FGF23: variants seen among roughly 807,000 people sequenced by gnomAD.
FGF23 encodes the protein phosphatonin.
FGF23 carries 8 observed loss-of-function variants against 9.0 expected under a neutral mutation model. The observed-to-expected ratio is 0.89, with a 90% CI of 0.52 to 1.60. The LOEUF (loss-of-function observed/expected upper bound fraction) is 1.60. Among genes scored for constraint, FGF23 ranks in the 40% most tolerant of loss-of-function variants. FGF23 has a pLI of 0.00. For synonymous variants in FGF23, 118 were observed against 146.2 expected, an observed-to-expected ratio of 0.81 and a Z score of 1.39; for missense variants, 311 against 344.3, an observed-to-expected ratio of 0.90 and a Z score of 0.77.
chr12:4,372,682 C>A lies in FGF23; in HGVS notation c.227G>T (p.Arg76Ile). ...CACCACAAAGCCAGCATCCTCTGAT[C>A]TGATCATCAGGGCACCTATGGAGAA... Reference protein sequence around the residue: ...HQTIYSALMIRSEDAGFVVIT... With the variant: ...HQTIYSALMIISEDAGFVVIT... The change falls in exon 2 of 3, where the codon AGA (arginine) becomes ATA (isoleucine). Residue 76 changes from arginine (R) to isoleucine (I), a missense_variant. Arg to Ile is a moderately conservative substitution (Grantham distance 97, BLOSUM62 -3). Around this residue, in one of 3 missense-constraint regions of FGF23, gnomAD observed 102 missense variants for 108.2 expected, o/e 0.94. Transcript: ENST00000237837. The A allele has an allele frequency of 6.2e-7, 1 of 1,611,976 alleles. No individual in the cohort carries two copies. Among genetic ancestry groups the A allele is most frequent in the African/African-American group, 1.3e-5 (1 of 75,002 alleles).
chr12:4,370,344 T>C lies in FGF23; in HGVS notation c.755A>G (p.Ter252TrpextTer32), dbSNP rs763550480. The C allele has an allele frequency of 6.2e-7, 1 of 1,613,170 alleles. No individual in the cohort carries two copies. Among genetic ancestry groups the C allele is most frequent in the Non-Finnish European group, 8.5e-7 (1 of 1,179,912 alleles). Reference sequence around the variant, plus strand: ...AAAGAGGGTGCCCTTCCAGCGACCCTAGATGAACTTGGCGAAGGGGCGGCA... The same window carrying C: ...AAAGAGGGTGCCCTTCCAGCGACCCCAGATGAACTTGGCGAAGGGGCGGCA... ...EGCRPFAKFI[*>W] The change falls in exon 3 of 3, where the codon TAG becomes TGG. Residue 252 changes from the stop codon to tryptophan, a stop_lost. Coordinates refer to ENST00000237837, the MANE Select transcript of FGF23 (RefSeq NM_020638.3).
Position 4,370,682 on chromosome 12 carries a change from G to A in FGF23, c.417C>T (p.Gly139=). ...CTGGCAGGAAGGCTCTCTTCGCCCG[G>A]CCCAGACTGACCAGGAAGTGATACT... ...SPQYHFLVSL[G]RAKRAFLPGM... Residue 139 remains glycine (G), a synonymous_variant, in exon 3 of 3, where the codon GGC becomes GGT. Coordinates refer to ENST00000237837, the MANE Select transcript of FGF23 (RefSeq NM_020638.3). 1 of 1,614,148 alleles carries A rather than the reference G, an allele frequency of 6.2e-7. No individual in the cohort carries two copies. Among genetic ancestry groups the A allele is most frequent in the Non-Finnish European group, 8.5e-7 (1 of 1,179,978 alleles).
chr12:4,372,538 C>A, intron 2 of FGF23, 56 bp downstream of exon 2: 1 of 1,116,540 alleles, frequency 9.0e-7, no homozygotes, highest in South Asian at 1.2e-5. Flanking sequence ...TATGTCGTGT[C>A]AAAGAAATTA....
Position 4,370,201 on chromosome 12 carries a change from T to C in FGF23, c.*142A>G. 2 of 825,082 alleles carry C rather than the reference T, an allele frequency of 2.4e-6. No individual in the cohort carries two copies. Among genetic ancestry groups the C allele is most frequent in the South Asian group, 3.1e-5 (2 of 64,956 alleles). 51.1% of individuals were successfully genotyped at this position (825,082 alleles called of 1,614,324 possible). On this transcript the variant is annotated 3_prime_UTR_variant, in exon 3 of 3. Transcript: ENST00000237837. ...AAAGGTTGGTTCTCACAGGACCTCC[T>C]GTGGAAGGGACCCCAGAGAAGCAGC...
chr12:4,379,412 C>A lies in FGF23; in HGVS notation c.171G>T (p.Lys57Asn). Residue 57 changes from lysine (K) to asparagine (N), a missense_variant, in exon 1 of 3, where the codon AAG becomes AAT. Lys to Asn is a moderately conservative substitution (Grantham distance 94). Around this residue, in one of 3 missense-constraint regions of FGF23, gnomAD observed 102 missense variants for 108.2 expected, o/e 0.94. Coordinates refer to ENST00000237837, the MANE Select transcript of FGF23 (RefSeq NM_020638.3). ...GGGGTGCGCCATCCACATGGCCATTCTTGTGGATCTGCAGGTGGTAGCTGT... is the reference window on the plus strand; with the variant it reads ...GGGGTGCGCCATCCACATGGCCATTATTGTGGATCTGCAGGTGGTAGCTGT... ...ARNSYHLQIH[K>N]NGHVDGAPHQ... 6.2e-7 allele frequency: 1 copy of A among 1,613,264 alleles called. No homozygotes were observed. The highest frequency in any genetic ancestry group is 8.5e-7 in the Non-Finnish European group (1 of 1,180,028).
intron 1 of FGF23, among the ~76,000 whole-genome samples, chr12:4,373,250 C>G (rs1236486576): frequency 6.6e-6 from 1 of 152,216 alleles, no homozygotes; most frequent in Non-Finnish European, 1.5e-5. Flanking sequence ...ATTGAAGTCA[C>G]TCACTCTTCA....
In FGF23 at chr12:4,369,826, A is replaced by G. The variant is rs368208055; in HGVS notation, c.*517T>C. 1 of 231,568 alleles carries G rather than the reference A, an allele frequency of 4.3e-6. No individual in the cohort carries two copies. The highest frequency in any genetic ancestry group is 6.1e-5 in the East Asian group (1 of 16,344). The allele number at this position is 231,568 out of a possible 1,614,324, so 14.3% of individuals were successfully genotyped here. A position where few individuals can be genotyped will look rare whatever the true frequency, so the allele number is the denominator to read the frequency against. On this transcript the variant is annotated 3_prime_UTR_variant, in exon 3 of 3. Coordinates refer to ENST00000237837, the MANE Select transcript of FGF23 (RefSeq NM_020638.3). ...GTGTTTTCATCAACTTGCCCCATTC[A>G]GCTGTTAATGTCAAGGTTTGCACAC...
At chr12:4,374,810 T>G (rs13312779) in intron 1 of FGF23, among the ~76,000 whole-genome samples, 19,245 of 151,888 alleles carry the variant, frequency 0.13, 1,955 homozygotes, top group East Asian at 0.47. Context: ...ATTATTATTA[T>G]TATTAGTAGT....
rs756683570 is a variant in FGF23, at chr12:4,370,460, G to A, written c.639C>T (p.Ala213=). The A allele has an allele frequency of 3.7e-5, 59 of 1,612,912 alleles. No individual in the cohort carries two copies. The highest frequency in any genetic ancestry group is 4.8e-5 in the Non-Finnish European group (57 of 1,179,462). Residue 213 remains alanine (A), a synonymous_variant, in exon 3 of 3, where the codon GCC becomes GCT. Coordinates refer to ENST00000237837, the MANE Select transcript of FGF23 (RefSeq NM_020638.3). ...PASCSQELPS[A]EDNSPMASDP... ...CACTGGCCATCGGGCTGTTGTCCTC[G>A]GCGCTCGGGAGCTCCTGTGAACAGG...
rs1390422854 is a variant in FGF23, at chr12:4,370,622, G to A, written c.477C>T (p.Ser159=). The stretch of plus-strand genomic sequence containing the variant: ...GAATTAGGGGGATCTCGTTCCTCCG[G>A]GACAGGAACTGGGAGTACGGGGGTG... ...MNPPPYSQFL[S]RRNEIPLIHF... The change falls in exon 3 of 3, where the codon TCC becomes TCT. Residue 159 remains serine, a synonymous_variant. Transcript: ENST00000237837. 1 of 1,614,094 alleles carries A rather than the reference G, an allele frequency of 6.2e-7. No individual in the cohort carries two copies. The highest frequency in any genetic ancestry group is 1.1e-5 in the South Asian group (1 of 91,080).
intron 1 of FGF23, 73 bp from the exon 2 acceptor site, chr12:4,372,770 T>C: frequency 1.0e-6 from 1 of 975,916 alleles, no homozygotes; most frequent in Non-Finnish European, 1.7e-6. Context: ...CCTGAAAACC[T>C]ACCTTCATGA....
At position 4,370,685 on chromosome 12, in the gene FGF23, C is replaced by G. The variant is rs1865054870; in HGVS notation, c.414G>C (p.Leu138=). Residue 138 remains leucine (L), a synonymous_variant, in exon 3 of 3, where the codon CTG becomes CTC. Transcript: ENST00000237837. ...GCAGGAAGGCTCTCTTCGCCCGGCC[C>G]AGACTGACCAGGAAGTGATACTGAG... The part of the protein sequence containing the change: ...HSPQYHFLVS[L]GRAKRAFLPG... The G allele has an allele frequency of 5.0e-6, 8 of 1,614,178 alleles. No individual in the cohort carries two copies. The highest frequency in any genetic ancestry group is 6.8e-6 in the Non-Finnish European group (8 of 1,180,012).
At chr12:4,377,511 A>G (rs529893840) in intron 1 of FGF23, among the ~76,000 whole-genome samples, 201 of 133,942 alleles carry the variant, frequency 1.5e-3, no homozygotes, top group African/African-American at 5.4e-3. Flanking sequence ...GCTCACTGCA[A>G]GCTCTGCCTC....
intron 1 of FGF23, 24 bp downstream of exon 1, chr12:4,379,348 T>C: frequency 6.2e-7 from 1 of 1,602,838 alleles, no homozygotes; most frequent in African/African-American, 1.3e-5. Context: ...GCTCCCCTTC[T>C]TCCCAGCCTG....
At position 4,379,499 on chromosome 12, in the gene FGF23, G is replaced by A; in HGVS notation, c.84C>T (p.Ala28=). ...SMSVLRAYPN[A]SPLLGSSWGG... is the part of the protein sequence containing the mutation. Reference sequence around the variant, plus strand: ...CCCAGCTGGAGCCGAGCAGTGGGGAGGCATTGGGATAGGCTCTGAGGACGC... The same window carrying A: ...CCCAGCTGGAGCCGAGCAGTGGGGAAGCATTGGGATAGGCTCTGAGGACGC... Residue 28 remains alanine (A), a synonymous_variant, in exon 1 of 3, where the codon GCC becomes GCT. Transcript: ENST00000237837. The A allele has an allele frequency of 2.5e-6, 4 of 1,613,140 alleles. No homozygotes were observed. Among genetic ancestry groups the A allele is most frequent in the Non-Finnish European group, 3.4e-6 (4 of 1,180,026 alleles).
In FGF23 at chr12:4,379,649, C is replaced by T; in HGVS notation, c.-67G>A. On this transcript the variant is annotated 5_prime_UTR_variant, in exon 1 of 3. Coordinates refer to ENST00000237837, the MANE Select transcript of FGF23 (RefSeq NM_020638.3). ...ACACTCCTGTCGGGACTCTCCTGGC[C>T]CAGGCCTTACTGGCCTTTTCCTTCT... The T allele has an allele frequency of 7.3e-7, 1 of 1,366,678 alleles. No individual in the cohort carries two copies. Among genetic ancestry groups the T allele is most frequent in the Non-Finnish European group, 1.0e-6 (1 of 990,188 alleles). 84.7% of individuals were successfully genotyped at this position (1,366,678 alleles called of 1,614,324 possible). A position where few individuals can be genotyped will look rare whatever the true frequency, so the allele number is the denominator to read the frequency against.
At chr12:4,370,890 A>G (rs1373136139) in intron 2 of FGF23, 107 bp from the exon 3 acceptor site, 1 of 935,698 alleles carries the variant, frequency 1.1e-6, no homozygotes, top group African/African-American at 1.6e-5. Context: ...GAAGCTCTGC[A>G]GTTCTTAGGG....
chr12:4,369,431 G>A lies in FGF23; in HGVS notation c.*912C>T, dbSNP rs1865036539. 3 of 230,436 alleles carry A rather than the reference G, an allele frequency of 1.3e-5. No individual in the cohort carries two copies. Among genetic ancestry groups the A allele is most frequent in the Non-Finnish European group, 2.6e-5 (3 of 116,356 alleles). 14.3% of individuals were successfully genotyped at this position (230,436 alleles called of 1,614,324 possible). A position where few individuals can be genotyped will look rare whatever the true frequency, so the allele number is the denominator to read the frequency against. On this transcript the variant is annotated 3_prime_UTR_variant, in exon 3 of 3. Coordinates refer to ENST00000237837, the MANE Select transcript of FGF23 (RefSeq NM_020638.3). Reference sequence around the variant, plus strand: ...TAGAGCCTTAATTAAATGCCTCTTAGGAGAGTTGGAATTTATTTCCATTTT... The same window carrying A: ...TAGAGCCTTAATTAAATGCCTCTTAAGAGAGTTGGAATTTATTTCCATTTT...
intron 1 of FGF23, among the ~76,000 whole-genome samples, chr12:4,376,212 C>A (rs973687722): frequency 6.6e-6 from 1 of 152,104 alleles, no homozygotes; most frequent in African/African-American, 2.4e-5. Flanking sequence ...CTGGCAGCAG[C>A]GCTTGTGAGT....
Sources: allele counts gnomAD v4.1 joint callset (sites outside exome capture counted in the v4.1 genomes callset), GRCh38; gene constraint gnomAD v4.1.1; regional missense constraint gnomAD v4.1.1; transcripts MANE v1.5; gene names NCBI Gene and HGNC (gene_info 2026-07-23, HGNC 2026-07-21).